The following CS variants were observed in gnomAD, a reference collection of about 807,000 sequenced individuals.
CS encodes the protein citrate synthase, mitochondrial.
Under a neutral mutation model 61.4 loss-of-function variants are expected in CS, and 13 were observed. The ratio of observed to expected loss-of-function variants is 0.21; its 90% CI spans 0.14 to 0.34. The LOEUF is 0.34. CS is among the 10% of genes least tolerant of loss of function. CS has a pLI of 1.00. For missense variants in CS, 278 were observed against 573.4 expected (o/e 0.48, Z 5.26); for synonymous variants, 159 against 215.2 (o/e 0.74, Z 2.29).
At chr12:56,277,152 C>T (rs1295059870) in intron 6 of CS, among the ~76,000 whole-genome samples, 1 of 149,584 alleles carries the variant, frequency 6.7e-6, no homozygotes. Flanking sequence ...TGCAGTGAGC[C>T]GAGATAGTGC....
intron 1 of CS, among the ~76,000 whole-genome samples, chr12:56,295,382 G>A (rs1413642611): frequency 1.3e-5 from 2 of 151,366 alleles, no homozygotes; most frequent in Admixed American, 1.3e-4. Context: ...TTAGCCCGGC[G>A]TGGTGGCATG....
At chr12:56,297,747 G>A (rs879329633) in intron 1 of CS, among the ~76,000 whole-genome samples, 1 of 152,162 alleles carries the variant, frequency 6.6e-6, no homozygotes, top group African/African-American at 2.4e-5. Context: ...AACTACACCT[G>A]ACGCTGAGAC....
Position 56,275,069 on chromosome 12 carries a change from T to G in CS, c.851A>C (p.Asp284Ala), listed in dbSNP as rs1592405251. Residue 284 changes from aspartate (D) to alanine (A), a missense_variant, in exon 8 of 11, where the codon GAC becomes GCC. By Grantham distance (126) the Asp-to-Ala change is moderately radical (BLOSUM62 -2). Around this residue, in one of 2 missense-constraint regions of CS, gnomAD observed 223 missense variants for 503.5 expected, o/e 0.44. Coordinates refer to ENST00000351328, the MANE Select transcript of CS (RefSeq NM_004077.3). ...TSHLVGSALSDPYLSFAAAMN... is the reference protein window; with the variant it reads ...TSHLVGSALSAPYLSFAAAMN... The stretch of plus-strand genomic sequence containing the variant: ...GGCTGCTGCAAAGGACAGGTAAGGG[T>G]CGGAAAGGGCACTGCCCACCAAATG... 1 of 1,613,904 alleles carries G rather than the reference T, an allele frequency of 6.2e-7. No individual in the cohort carries two copies. The highest frequency in any genetic ancestry group is 1.3e-5 in the African/African-American group (1 of 74,926).
Position 56,286,740 on chromosome 12 carries a change from A to G in CS, c.43-95T>C. Reference sequence around the variant, plus strand: ...ACAGTGACTCAACCTCTCTCTCTTCATCTCAGTCTCTTAGGGCAGTTTGAC... The same window carrying G: ...ACAGTGACTCAACCTCTCTCTCTTCGTCTCAGTCTCTTAGGGCAGTTTGAC... On this transcript the variant is annotated intron_variant, in intron 1 of 10. Transcript: ENST00000351328. The G allele has an allele frequency of 2.7e-6, 3 of 1,115,780 alleles. 1 individual carries two copies. 69.1% of individuals were successfully genotyped at this position (1,115,780 alleles called of 1,614,324 possible).
At chr12:56,277,458 C>A (rs1872655479) in intron 6 of CS, among the ~76,000 whole-genome samples, 1 of 150,456 alleles carries the variant, frequency 6.6e-6, no homozygotes, top group African/African-American at 2.4e-5. Context: ...AAGATCGTGC[C>A]ACTGTACTCC....
rs1165959468 is a variant in CS at position 56,272,622 on chromosome 12, G to A, written c.*462C>T. 1 of 154,394 alleles carries A rather than the reference G, an allele frequency of 6.5e-6. No individual in the cohort carries two copies. The highest frequency in any genetic ancestry group is 1.4e-5 in the Non-Finnish European group (1 of 69,654). 9.6% of individuals were successfully genotyped at this position (154,394 alleles called of 1,614,324 possible). On this transcript the variant is annotated 3_prime_UTR_variant, in exon 11 of 11. Coordinates refer to ENST00000351328, the MANE Select transcript of CS (RefSeq NM_004077.3). Reference sequence around the variant, plus strand: ...GTTTGTGTGCATGGGAGAGGGCCAAGGGGCTTGGTACAGCTGACTATCCAA... The same window carrying A: ...GTTTGTGTGCATGGGAGAGGGCCAAAGGGCTTGGTACAGCTGACTATCCAA...
Position 56,273,031 on chromosome 12 carries a change from T to C in CS, c.*53A>G. On this transcript the variant is annotated 3_prime_UTR_variant, in exon 11 of 11. Coordinates refer to ENST00000351328, the MANE Select transcript of CS (RefSeq NM_004077.3). ...AGGCCCCCTGAAACAAAAGTATACTTTTTATTTAGGCTTCCTCACTTTCTG... is the reference window on the plus strand; with the variant it reads ...AGGCCCCCTGAAACAAAAGTATACTCTTTATTTAGGCTTCCTCACTTTCTG... 1 of 1,456,090 alleles carries C rather than the reference T, an allele frequency of 6.9e-7. No individual in the cohort carries two copies. Among genetic ancestry groups the C allele is most frequent in the Admixed American group, 2.2e-5 (1 of 44,658 alleles). 90.2% of individuals were successfully genotyped at this position (1,456,090 alleles called of 1,614,324 possible). A position where few individuals can be genotyped will look rare whatever the true frequency, so the allele number is the denominator to read the frequency against.
intron 7 of CS, 31 bp from the exon 8 acceptor site, chr12:56,275,162 G>A (rs1200410407): frequency 1.9e-6 from 3 of 1,613,484 alleles, no homozygotes; most frequent in Non-Finnish European, 2.5e-6. Context: ...AGAGCCAAGG[G>A]AAGAAAGAAG....
Position 56,275,937 on chromosome 12 carries a change from T to TA in CS, c.788+58dup, listed in dbSNP as rs886276415. 16 of 1,482,510 alleles carry TA rather than the reference T, an allele frequency of 1.1e-5. No homozygotes were observed. In the African/African-American group the frequency reaches 1.9e-4, roughly 18 times the overall value. 91.8% of individuals were successfully genotyped at this position (1,482,510 alleles called of 1,614,324 possible). On this transcript the variant is annotated intron_variant, in intron 7 of 10. Coordinates refer to ENST00000351328, the MANE Select transcript of CS (RefSeq NM_004077.3). ...GAAGATGAGAACATAAAGGAGCTTT[T>TA]AAAAAAATTTCCCACCAATTGAGGC...
Position 56,272,076 on chromosome 12 carries a change from C to A in CS, c.*1008G>T, listed in dbSNP as rs12314191. On this transcript the variant is annotated 3_prime_UTR_variant, in exon 11 of 11. Coordinates refer to ENST00000351328, the MANE Select transcript of CS (RefSeq NM_004077.3). ...ATTTTTAATGCCCTCAGCCCCAGTA[C>A]CTGATAATCAGAGGAGACCATGTCC... The A allele has an allele frequency of 6.0e-3, 2,134 of 353,598 alleles. 50 individuals carry two copies. The highest frequency in any genetic ancestry group is 0.042 in the African/African-American group (1,938 of 46,438). The allele number at this position is 353,598 out of a possible 1,614,324, so 21.9% of individuals were successfully genotyped here.
intron 1 of CS, 93 bp downstream of exon 1, chr12:56,300,067 G>T: frequency 7.8e-7 from 1 of 1,290,064 alleles, no homozygotes; most frequent in Non-Finnish European, 1.1e-6. Context: ...CGCAGGGTGC[G>T]CACGGGTGTG....
intron 1 of CS, among the ~76,000 whole-genome samples, chr12:56,298,084 C>T (rs903879890): frequency 2.0e-5 from 3 of 152,002 alleles, no homozygotes; most frequent in Admixed American, 1.3e-4. Context: ...CCACAACATC[C>T]GCCTCCTGGG....
chr12:56,284,442 G>A (rs1470776112), intron 3 of CS, among the ~76,000 whole-genome samples: 1 of 151,596 alleles, frequency 6.6e-6, no homozygotes, highest in East Asian at 1.9e-4. Context: ...GCCTCTCACA[G>A]AGTCTGTCAC....
At chr12:56,297,568 T>G (rs1221910261) in intron 1 of CS, among the ~76,000 whole-genome samples, 3 of 152,146 alleles carry the variant, frequency 2.0e-5, no homozygotes, top group Non-Finnish European at 4.4e-5. Flanking sequence ...CTGGGCGTGG[T>G]GGTGCACACC....
At chr12:56,291,273 C>A in intron 1 of CS, 1 of 1,099,754 alleles carries the variant, frequency 9.1e-7, no homozygotes, top group South Asian at 2.0e-5. Flanking sequence ...GGCAGTCAAG[C>A]CTGAGGCAGA....
At position 56,271,943 on chromosome 12, in the gene CS, G is replaced by A; in HGVS notation, c.*1141C>T. On this transcript the variant is annotated 3_prime_UTR_variant, in exon 11 of 11. Coordinates refer to ENST00000351328, the MANE Select transcript of CS (RefSeq NM_004077.3). ...TGAGTTGCTGAAAACCTGTGCAAAT[G>A]GGGCTTCTGAAACATTGTACTGTGA... 2.2e-6 allele frequency: 1 copy of A among 455,934 alleles called. No individual in the cohort carries two copies. The highest frequency in any genetic ancestry group is 2.4e-5 in the Admixed American group (1 of 42,480). 28.2% of individuals were successfully genotyped at this position (455,934 alleles called of 1,614,324 possible). A position where few individuals can be genotyped will look rare whatever the true frequency, so the allele number is the denominator to read the frequency against.
At chr12:56,291,292 G>A (rs550846188) in intron 1 of CS, 3 of 1,025,066 alleles carry the variant, frequency 2.9e-6, no homozygotes, top group Non-Finnish European at 3.5e-6. Flanking sequence ...GAGGTGAATG[G>A]ATAATTCCTT....
At chr12:56,295,508 G>T (rs1263269374) in intron 1 of CS, among the ~76,000 whole-genome samples, 1 of 151,002 alleles carries the variant, frequency 6.6e-6, no homozygotes, top group Non-Finnish European at 1.5e-5. Flanking sequence ...GTGACAGAGC[G>T]AGACTCCATC....
intron 1 of CS, among the ~76,000 whole-genome samples, chr12:56,294,267 G>A (rs1266426801): frequency 6.6e-6 from 1 of 151,694 alleles, no homozygotes; most frequent in African/African-American, 2.4e-5. Flanking sequence ...TGAGGTGAGG[G>A]GTTCAAGACC....
Sources: gnomAD v4.1 joint callset for allele counts (sites outside exome capture counted in the v4.1 genomes callset) on GRCh38, gnomAD v4.1.1 for gene constraint, gnomAD v4.1.1 regional missense constraint, MANE v1.5 for transcripts, NCBI Gene and HGNC (gene_info 2026-07-23, HGNC 2026-07-21) for gene names.